The following LDAH variants were observed in gnomAD, a reference collection of about 807,000 sequenced individuals.
LDAH encodes the protein lipid droplet-associated hydrolase.
In LDAH, 26 loss-of-function variants were observed where a neutral mutation model predicts 29.6. The ratio of observed to expected loss-of-function variants is 0.88; its 90% CI spans 0.64 to 1.22. LDAH has a LOEUF of 1.22. LDAH is among the 50% of genes most tolerant of loss of function. The pLI, the probability that LDAH is intolerant of heterozygous loss-of-function variation, is 0.00. For missense variants in LDAH, 344 were observed against 387.3 expected (o/e 0.89, Z 0.94); for synonymous variants, 117 against 133.0 (o/e 0.88, Z 0.83).
At chr2:20,692,541 A>C (rs1355115957) in intron 6 of LDAH, among the ~76,000 whole-genome samples, 1 of 152,248 alleles carries the variant, frequency 6.6e-6, no homozygotes, top group African/African-American at 2.4e-5. Context: ...GTAGGACTAC[A>C]GGCATTACAG....
intron 6 of LDAH, among the ~76,000 whole-genome samples, chr2:20,691,073 G>A (rs560393850): frequency 5.3e-5 from 8 of 152,208 alleles, no homozygotes; most frequent in South Asian, 2.1e-4. Context: ...AAATAGACCC[G>A]TTATAAAAAC....
intron 3 of LDAH, among the ~76,000 whole-genome samples, chr2:20,779,858 G>A (rs1463141055): frequency 1.3e-5 from 2 of 152,124 alleles, no homozygotes; most frequent in Non-Finnish European, 2.9e-5. Flanking sequence ...CTATTTTGTA[G>A]GGAAAATCAC....
intron 4 of LDAH, among the ~76,000 whole-genome samples, chr2:20,744,456 C>A (rs929168568): frequency 1.3e-5 from 2 of 152,044 alleles, no homozygotes; most frequent in Non-Finnish European, 2.9e-5. Context: ...ATTCTTCTCC[C>A]CTCTTTGGTA....
intron 4 of LDAH, among the ~76,000 whole-genome samples, chr2:20,746,692 T>A (rs1264170892): frequency 1.3e-5 from 2 of 151,562 alleles, no homozygotes; most frequent in Non-Finnish European, 2.9e-5. Flanking sequence ...AAAAAAAAAA[T>A]CACCTAAGTC....
chr2:20,783,432 C>T (rs1237499861), intron 3 of LDAH, among the ~76,000 whole-genome samples: 1 of 152,178 alleles, frequency 6.6e-6, no homozygotes, highest in Non-Finnish European at 1.5e-5. Flanking sequence ...TATAATAGTG[C>T]AGTCTATCAG....
intron 3 of LDAH, among the ~76,000 whole-genome samples, chr2:20,787,157 C>T (rs556477487): frequency 1.4e-4 from 22 of 152,294 alleles, no homozygotes; most frequent in African/African-American, 3.6e-4. Flanking sequence ...TCTACATAAA[C>T]GGCACTAGTG....
intron 5 of LDAH, among the ~76,000 whole-genome samples, chr2:20,701,936 T>C (rs755079019): frequency 6.6e-6 from 1 of 152,202 alleles, no homozygotes; most frequent in Non-Finnish European, 1.5e-5. Flanking sequence ...GCAGATGATG[T>C]GTGCAATTTT....
intron 1 of LDAH, among the ~76,000 whole-genome samples, chr2:20,811,736 G>A (rs189416563): frequency 7.2e-5 from 11 of 152,054 alleles, no homozygotes; most frequent in Admixed American, 4.6e-4. Flanking sequence ...CACCCCTCTC[G>A]GCCTCCCAAA....
At chr2:20,787,069 C>T (rs1670604606) in intron 3 of LDAH, among the ~76,000 whole-genome samples, 1 of 152,162 alleles carries the variant, frequency 6.6e-6, no homozygotes, top group Admixed American at 6.5e-5. Flanking sequence ...AAGTTTGTTA[C>T]TTTTAAAATA....
intron 5 of LDAH, among the ~76,000 whole-genome samples, chr2:20,731,183 A>G (rs1258680805): frequency 6.6e-6 from 1 of 152,252 alleles, no homozygotes. Context: ...CCCAAATCTC[A>G]TGTCCTCAAT....
chr2:20,754,500 CAAAAAAAAAAA>C (rs61076745), intron 4 of LDAH, among the ~76,000 whole-genome samples: 1 of 77,438 alleles, frequency 1.3e-5, no homozygotes, highest in Non-Finnish European at 2.3e-5. Context: ...ACCCTCGCCA[CAAAAAAAAAAA>C]AAAAAAAAAA....
intron 5 of LDAH, among the ~76,000 whole-genome samples, chr2:20,713,381 A>G (rs1280323848): frequency 6.6e-6 from 1 of 152,252 alleles, no homozygotes; most frequent in East Asian, 1.9e-4. Flanking sequence ...GAGCTCCTGA[A>G]GGAAGCACTA....
intron 4 of LDAH, among the ~76,000 whole-genome samples, chr2:20,752,253 C>T (rs116532329): frequency 0.029 from 4,387 of 151,912 alleles, 197 homozygotes; most frequent in African/African-American, 0.099. Flanking sequence ...GTGAAAAAGA[C>T]TGAGTGGAAA....
intron 3 of LDAH, among the ~76,000 whole-genome samples, chr2:20,784,699 C>T (rs1670427771): frequency 6.6e-6 from 1 of 151,938 alleles, no homozygotes; most frequent in African/African-American, 2.4e-5. Context: ...CCAGCCTGGG[C>T]AATATGGTGA....
At chr2:20,789,293 G>A (rs1388430254) in intron 3 of LDAH, 1 of 1,549,940 alleles carries the variant, frequency 6.5e-7, no homozygotes, top group Non-Finnish European at 8.7e-7. Context: ...AGAGTCCCAA[G>A]AGGGCTTGCC....
At chr2:20,782,361 T>C (rs1188948216) in intron 3 of LDAH, among the ~76,000 whole-genome samples, 1 of 152,232 alleles carries the variant, frequency 6.6e-6, no homozygotes, top group Non-Finnish European at 1.5e-5. Flanking sequence ...CGCTTCTGTC[T>C]ATAGTATGAC....
chr2:20,685,771 G>A lies in LDAH; in HGVS notation c.*1132C>T, dbSNP rs1289851648. 3 of 1,263,276 alleles carry A rather than the reference G, an allele frequency of 2.4e-6. No individual in the cohort carries two copies. Among genetic ancestry groups the A allele is most frequent in the Non-Finnish European group, 3.2e-6 (3 of 936,358 alleles). The allele number at this position is 1,263,276 out of a possible 1,614,324, so 78.3% of individuals were successfully genotyped here. ...AATATTGTCAGCCCACTCTAGGCCA[G>A]GGAATATGTGTCTTCTCTGCCATAC... On this transcript the variant is annotated 3_prime_UTR_variant, in exon 7 of 7. Transcript: ENST00000237822.
intron 2 of LDAH, among the ~76,000 whole-genome samples, chr2:20,797,513 T>C (rs1046166953): frequency 6.6e-6 from 1 of 152,118 alleles, no homozygotes; most frequent in Non-Finnish European, 1.5e-5. Context: ...AACTCCTCTG[T>C]TTTGCCCGAG....
intron 5 of LDAH, among the ~76,000 whole-genome samples, chr2:20,708,966 A>C (rs1278517360): frequency 1.3e-5 from 2 of 152,198 alleles, no homozygotes; most frequent in African/African-American, 2.4e-5. Flanking sequence ...ACAAATCAAT[A>C]ATAAAGACAA....
Sources: gnomAD v4.1 joint callset for allele counts (sites outside exome capture counted in the v4.1 genomes callset) on GRCh38, gnomAD v4.1.1 for gene constraint, MANE v1.5 for transcripts, NCBI Gene and HGNC (gene_info 2026-07-23, HGNC 2026-07-21) for gene names.